Variants in COLEC12 observed in about 807,000 individuals in gnomAD.
The protein encoded by COLEC12 is collectin-12.
In COLEC12, 33 loss-of-function variants were observed where a neutral mutation model predicts 71.1. The ratio of observed to expected loss-of-function variants is 0.46; its 90% CI spans 0.35 to 0.62. The LOEUF (loss-of-function observed/expected upper bound fraction) is 0.62, where lower values mean the gene tolerates loss of function less well. COLEC12 is among the 20% of genes least tolerant of loss of function. The probability of loss-of-function intolerance (pLI) is 0.00; values close to 1 mark genes in which losing one functional copy is unlikely to be tolerated. For synonymous variants in COLEC12, 350 were observed against 353.0 expected (o/e 0.99, Z 0.10); for missense variants, 765 against 916.1 (o/e 0.84, Z 2.13).
At chr18:451,768 G>A (rs373776642) in intron 2 of COLEC12, among the ~76,000 whole-genome samples, 3 of 151,904 alleles carry the variant, frequency 2.0e-5, no homozygotes, top group Non-Finnish European at 4.4e-5. Flanking sequence ...GAAATGACCT[G>A]AAATTGAAAC....
At chr18:323,340 A>AG (rs2036523504) in intron 8 of COLEC12, among the ~76,000 whole-genome samples, 1 of 152,356 alleles carries the variant, frequency 6.6e-6, no homozygotes, top group Admixed American at 6.5e-5. Context: ...GCTACTTAGA[A>AG]GGGAGAGTTA....
intron 1 of COLEC12, among the ~76,000 whole-genome samples, chr18:498,377 T>TTTTTTTTTTTTTTTTTTTTTTTTG (rs1178071975): frequency 7.2e-6 from 1 of 138,254 alleles, no homozygotes; most frequent in African/African-American, 2.9e-5. Context: ...TTTTTTTTTT[T>TTTTTTTTTTTTTTTTTTTTTTTTG]AGACGGAGTC....
At chr18:435,914 C>T (rs1916394468) in intron 2 of COLEC12, among the ~76,000 whole-genome samples, 1 of 152,206 alleles carries the variant, frequency 6.6e-6, no homozygotes, top group Non-Finnish European at 1.5e-5. Context: ...GTAAAAGACT[C>T]AGACGGCATT....
chr18:321,432 C>T (rs919181837), intron 9 of COLEC12, among the ~76,000 whole-genome samples: 12 of 152,244 alleles, frequency 7.9e-5, no homozygotes, highest in African/African-American at 2.9e-4. Flanking sequence ...TCGTTGAGTA[C>T]TTCCTACATG....
intron 2 of COLEC12, among the ~76,000 whole-genome samples, chr18:363,700 C>T (rs572708949): frequency 3.9e-5 from 6 of 152,174 alleles, no homozygotes; most frequent in East Asian, 3.9e-4. Flanking sequence ...TTGAATGTTA[C>T]GCAATATCAC....
At chr18:499,384 G>A (rs1917774925) in intron 1 of COLEC12, among the ~76,000 whole-genome samples, 1 of 152,178 alleles carries the variant, frequency 6.6e-6, no homozygotes, top group African/African-American at 2.4e-5. Context: ...TCATCGCTCC[G>A]GTTAGTTCCG....
chr18:483,236 C>T (rs1042661499), intron 1 of COLEC12, among the ~76,000 whole-genome samples: 21 of 152,004 alleles, frequency 1.4e-4, no homozygotes, highest in African/African-American at 4.8e-4. Context: ...CCCATCTCTA[C>T]TAAAAATATA....
At chr18:473,944 G>A (rs1277247767) in intron 2 of COLEC12, among the ~76,000 whole-genome samples, 2 of 152,104 alleles carry the variant, frequency 1.3e-5, no homozygotes, top group East Asian at 3.9e-4. Flanking sequence ...GGATTCATAA[G>A]TGAATGAAAA....
chr18:321,927 A>T, intron 8 of COLEC12, 120 bp from the exon 9 acceptor site: 1 of 996,042 alleles, frequency 1.0e-6, no homozygotes, highest in Non-Finnish European at 1.5e-6. Flanking sequence ...CTGGAATGAA[A>T]ATGCAGTTTA....
At chr18:391,510 T>C (rs1915463918) in intron 2 of COLEC12, among the ~76,000 whole-genome samples, 1 of 152,198 alleles carries the variant, frequency 6.6e-6, no homozygotes, top group African/African-American at 2.4e-5. Context: ...GTTTTTGTTG[T>C]TGTTGTTGTT....
intron 1 of COLEC12, among the ~76,000 whole-genome samples, chr18:497,443 C>T (rs1917735216): frequency 1.3e-5 from 2 of 150,474 alleles, no homozygotes; most frequent in Admixed American, 1.3e-4. Context: ...TTGCTTCTGT[C>T]ACCTGCGCTG....
chr18:403,771 T>C (rs1361340608), intron 2 of COLEC12, among the ~76,000 whole-genome samples: 1 of 152,060 alleles, frequency 6.6e-6, no homozygotes, highest in Non-Finnish European at 1.5e-5. Context: ...ATCTAAAATG[T>C]CTACAATATC....
chr18:384,600 T>A (rs780394671), intron 2 of COLEC12, among the ~76,000 whole-genome samples: 20 of 152,186 alleles, frequency 1.3e-4, no homozygotes, highest in African/African-American at 4.6e-4. Context: ...TAAAAGAATG[T>A]GCAACCTACT....
At position 467,676 on chromosome 18, in the gene COLEC12, G is replaced by A. The variant is rs12326820; in HGVS notation, c.58+13031C>T. Among the ~76,000 whole-genome samples the A allele has an allele frequency of 5.2e-3, 786 of 152,276 alleles. 5 individuals carry two copies. The highest frequency in any genetic ancestry group is 0.018 in the African/African-American group (753 of 41,536). On this transcript the variant is annotated intron_variant, in intron 2 of 9. Coordinates refer to ENST00000400256, the MANE Select transcript of COLEC12 (RefSeq NM_130386.3). The stretch of plus-strand genomic sequence containing the variant: ...TAATTAGCTGCTTTTATGAAGCTTG[G>A]AAGGAAAAGAATCTTCCATGTTTGA...
At chr18:413,858 T>G (rs748085509) in intron 2 of COLEC12, among the ~76,000 whole-genome samples, 1 of 152,232 alleles carries the variant, frequency 6.6e-6, no homozygotes, top group Non-Finnish European at 1.5e-5. Context: ...TTAATGAATC[T>G]CTAGACAATT....
chr18:438,948 A>G (rs985385245), intron 2 of COLEC12, among the ~76,000 whole-genome samples: 3 of 152,212 alleles, frequency 2.0e-5, no homozygotes, highest in African/African-American at 7.2e-5. Flanking sequence ...AACTAAAAGG[A>G]AGGAATAATA....
At chr18:356,058 T>C (rs565639023) in intron 3 of COLEC12, among the ~76,000 whole-genome samples, 1 of 152,318 alleles carries the variant, frequency 6.6e-6, no homozygotes, top group East Asian at 1.9e-4. Context: ...TATATGGCCT[T>C]AGAGATGGGA....
chr18:412,360 C>G (rs1437751793), intron 2 of COLEC12, among the ~76,000 whole-genome samples: 1 of 151,726 alleles, frequency 6.6e-6, no homozygotes, highest in African/African-American at 2.4e-5. Flanking sequence ...AGTCCTATAT[C>G]CAGCAAAAAT....
At chr18:462,552 T>C (rs1567915438) in intron 2 of COLEC12, among the ~76,000 whole-genome samples, 1 of 152,208 alleles carries the variant, frequency 6.6e-6, no homozygotes, top group African/African-American at 2.4e-5. Context: ...TGACTGCTAA[T>C]GGATACAAGG....
Sources: gnomAD v4.1 joint callset for allele counts (sites outside exome capture counted in the v4.1 genomes callset) on GRCh38, gnomAD v4.1.1 for gene constraint, MANE v1.5 for transcripts, NCBI Gene and HGNC (gene_info 2026-07-23, HGNC 2026-07-21) for gene names.